Variants in C7 observed in about 807,000 individuals in gnomAD.
C7 encodes complement C7, also known as complement component C7.
A neutral mutation model predicts 104.8 loss-of-function variants in C7; 83 were observed. The observed-to-expected ratio is 0.79, with a 90% CI of 0.66 to 0.95. The LOEUF is 0.95. C7 is among the 40% of genes least tolerant of loss of function. The probability of loss-of-function intolerance (pLI) is 0.00; values close to 1 mark genes in which losing one functional copy is unlikely to be tolerated. For missense variants in C7, 1,070 were observed against 1,011.2 expected (o/e 1.06, Z -0.79); for synonymous variants, 415 against 360.6 (o/e 1.15, Z -1.71).
chr5:40,941,985 G>C (rs1384107038), intron 6 of C7, among the ~76,000 whole-genome samples: 4 of 152,142 alleles, frequency 2.6e-5, no homozygotes, highest in African/African-American at 9.7e-5. Flanking sequence ...AACAGCCAGA[G>C]AGAAAAAAAG....
chr5:40,979,696 T>G (rs761067242), intron 16 of C7, 29 bp from the exon 17 acceptor site: 2 of 1,585,710 alleles, frequency 1.3e-6, no homozygotes, highest in Admixed American at 3.4e-5. Context: ...AAAAATCTTG[T>G]AAATAATGTC....
intron 17 of C7, among the ~76,000 whole-genome samples, chr5:40,981,021 TTC>T (rs1561263197): frequency 6.6e-6 from 1 of 152,192 alleles, no homozygotes; most frequent in African/African-American, 2.4e-5. Context: ...TTCTCTTTTT[TTC>T]TCTCTCTCTT....
At chr5:40,916,513 A>T (rs1331668880) in intron 1 of C7, among the ~76,000 whole-genome samples, 6 of 152,166 alleles carry the variant, frequency 3.9e-5, no homozygotes, top group Non-Finnish European at 7.3e-5. Context: ...ATCCCTCCGG[A>T]GTGCTGTAGT....
chr5:40,964,852 G>T lies in C7; in HGVS notation c.1861G>T (p.Val621Phe). Reference protein sequence around the residue: ...ARCGEDLRWLVGEMHCQKIAC... With the variant: ...ARCGEDLRWLFGEMHCQKIAC... ...ATGTGGAGAAGATTTACGGTGGCTT[G>T]TTGGGGAAATGCATTGTCAGAGTGA... Residue 621 changes from valine to phenylalanine, a missense_variant, in exon 14 of 18, where the codon GTT becomes TTT. By Grantham distance (50) the Val-to-Phe change is conservative. Coordinates refer to ENST00000313164, the MANE Select transcript of C7 (RefSeq NM_000587.4). 1 of 1,613,724 alleles carries T rather than the reference G, an allele frequency of 6.2e-7. No homozygotes were observed. Among genetic ancestry groups the T allele is most frequent in the Non-Finnish European group, 8.5e-7 (1 of 1,179,770 alleles).
intron 6 of C7, among the ~76,000 whole-genome samples, chr5:40,940,009 A>G (rs1427349963): frequency 6.6e-6 from 1 of 152,176 alleles, no homozygotes; most frequent in Non-Finnish European, 1.5e-5. Context: ...AGGGAAGTGA[A>G]GTGGAAGCCA....
chr5:40,972,313 G>A, intron 14 of C7, 90 bp from the exon 15 acceptor site: 2 of 1,051,530 alleles, frequency 1.9e-6, no homozygotes, highest in Middle Eastern at 2.1e-4. Context: ...TGAAAAAGCA[G>A]AACAAGTGTG....
Position 40,947,598 on chromosome 5 carries a change from A to G in C7, c.739-4A>G, listed in dbSNP as rs766187424. 2 of 1,612,892 alleles carry G rather than the reference A, an allele frequency of 1.2e-6. No homozygotes were observed. The highest frequency in any genetic ancestry group is 1.7e-6 in the Non-Finnish European group (2 of 1,179,426). Reference sequence around the variant, plus strand: ...ACTCCTTGTACTCTTTCTTCTTTCCACAGAGTTACCAACTGCTGGTTGTTG... The same window carrying G: ...ACTCCTTGTACTCTTTCTTCTTTCCGCAGAGTTACCAACTGCTGGTTGTTG... On this transcript the variant is annotated splice_region_variant and splice_polypyrimidine_tract_variant and intron_variant, in intron 7 of 17. Coordinates refer to ENST00000313164, the MANE Select transcript of C7 (RefSeq NM_000587.4).
At chr5:40,945,990 T>A (rs887053154) in intron 7 of C7, among the ~76,000 whole-genome samples, 1 of 150,648 alleles carries the variant, frequency 6.6e-6, no homozygotes, top group Admixed American at 6.6e-5. Context: ...CTTATTACCT[T>A]GAAATCTTCT....
chr5:40,945,913 TA>T (rs2111625459), intron 7 of C7, among the ~76,000 whole-genome samples: 1 of 146,818 alleles, frequency 6.8e-6, no homozygotes, highest in South Asian at 2.1e-4. Flanking sequence ...TATATATGTA[TA>T]TTTAGTTATA....
At chr5:40,969,595 T>C (rs1740646535) in intron 14 of C7, among the ~76,000 whole-genome samples, 1 of 152,204 alleles carries the variant, frequency 6.6e-6, no homozygotes. Flanking sequence ...TCCAAGGATG[T>C]GGCCATTAAG....
Position 40,934,375 on chromosome 5 carries a change from T to G in C7, c.189T>G (p.Cys63Trp), listed in dbSNP as rs758521035. The change falls in exon 4 of 18, where the codon TGT (cysteine) becomes TGG (tryptophan). Residue 63 changes from cysteine (C) to tryptophan (W), a missense_variant. Transcript: ENST00000313164. ...AVYGQYGGQP[C>W]VGNAFETQSC... ...ATGGGCAGTATGGAGGCCAGCCTTGTGTTGGAAATGCTTTTGAAACACAGT... is the reference window on the plus strand; with the variant it reads ...ATGGGCAGTATGGAGGCCAGCCTTGGGTTGGAAATGCTTTTGAAACACAGT... The G allele has an allele frequency of 1.2e-6, 2 of 1,613,604 alleles. No homozygotes were observed. Among genetic ancestry groups the G allele is most frequent in the Admixed American group, 1.7e-5 (1 of 59,972 alleles).
chr5:40,929,908 CTTT>C lies in C7; in HGVS notation c.63-1153_63-1151del, dbSNP rs1739642638. The stretch of plus-strand genomic sequence containing the variant: ...TTTAGTTTTCCACTTCTCATGGGGA[CTTT>C]TTATAGTTTCTTGTCTTTCAGTTAA... On this transcript the variant is annotated intron_variant, in intron 2 of 17. Transcript: ENST00000313164. Among the ~76,000 whole-genome samples, 2 of 152,096 alleles carry C rather than the reference CTTT, an allele frequency of 1.3e-5. 1 individual carries two copies. Among genetic ancestry groups the C allele is most frequent in the South Asian group, 4.1e-4 (2 of 4,822 alleles).
intron 1 of C7, among the ~76,000 whole-genome samples, chr5:40,912,478 A>G (rs1739229040): frequency 6.6e-6 from 1 of 152,132 alleles, no homozygotes; most frequent in Non-Finnish European, 1.5e-5. Flanking sequence ...TCCTGGGCTC[A>G]AGTGATCCTC....
At position 40,913,820 on chromosome 5, in the gene C7, C is replaced by T. The variant is rs189666849; in HGVS notation, c.6+4204C>T. The stretch of plus-strand genomic sequence containing the variant: ...TCAGCCTCCCAAGTAGCTGAGACTA[C>T]AGGTGCGTGCCAACATGCCTGGTTA... On this transcript the variant is annotated intron_variant, in intron 1 of 17. Coordinates refer to ENST00000313164, the MANE Select transcript of C7 (RefSeq NM_000587.4). Among the ~76,000 whole-genome samples the T allele has an allele frequency of 1.1e-3, 160 of 152,228 alleles. 1 individual carries two copies. Among genetic ancestry groups the T allele is most frequent in the Non-Finnish European group, 1.3e-3 (86 of 68,022 alleles).
At chr5:40,969,782 T>A (rs1036721172) in intron 14 of C7, among the ~76,000 whole-genome samples, 9 of 152,166 alleles carry the variant, frequency 5.9e-5, no homozygotes, top group African/African-American at 9.6e-5. Context: ...TTTTTTTTTT[T>A]AATTTACAAA....
At chr5:40,980,013 T>G in intron 17 of C7, 104 bp downstream of exon 17, 4 of 1,005,552 alleles carry the variant, frequency 4.0e-6, no homozygotes, top group Non-Finnish European at 5.6e-6. Flanking sequence ...AGAAGATACT[T>G]GAGGATGTTA....
intron 8 of C7, 142 bp downstream of exon 8, chr5:40,947,987 G>T: frequency 1.1e-6 from 1 of 892,474 alleles, no homozygotes; most frequent in Non-Finnish European, 1.8e-6. Context: ...TTGCAAGAAT[G>T]TATTATTGTC....
rs1471511349 is a variant in C7 at position 40,936,400 on chromosome 5, G to C, written c.343G>C (p.Asp115His). ...GDSDCDEDSA[D>H]EDRCEDSERR... ...TTCTGACTGTGATGAAGACAGTGCTGATGAAGACAGATGTGAGGACTCAGA... is the reference window on the plus strand; with the variant it reads ...TTCTGACTGTGATGAAGACAGTGCTCATGAAGACAGATGTGAGGACTCAGA... Residue 115 changes from aspartate (D) to histidine (H), a missense_variant, in exon 5 of 18, where the codon GAT becomes CAT. Asp to His is a moderately conservative substitution (Grantham distance 81, BLOSUM62 -1). Transcript: ENST00000313164. 19 of 1,613,078 alleles carry C rather than the reference G, an allele frequency of 1.2e-5. No homozygotes were observed. The East Asian group carries it at 4.2e-4, about 36-fold the overall frequency.
At chr5:40,928,474 TAAC>T in intron 1 of C7, 103 bp from the exon 2 acceptor site, 2 of 641,514 alleles carry the variant, frequency 3.1e-6, no homozygotes. Context: ...TGAGAAATAA[TAAC>T]ATCACTTTGT....
Sources: allele counts gnomAD v4.1 joint callset (sites outside exome capture counted in the v4.1 genomes callset), GRCh38; gene constraint gnomAD v4.1.1; transcripts MANE v1.5; gene names NCBI Gene and HGNC (gene_info 2026-07-23, HGNC 2026-07-21).